IGLL1: variants seen among roughly 807,000 people sequenced by gnomAD.
IGLL1 encodes immunoglobulin lambda-like polypeptide 1.
Under a neutral mutation model 10.5 loss-of-function variants are expected in IGLL1, and 10 were observed. That is an observed-to-expected ratio of 0.95 (90% CI 0.59 to 1.62). The LOEUF is 1.62. Among genes scored for constraint, IGLL1 ranks in the 40% most tolerant of loss-of-function variants. IGLL1 has a pLI of 0.00. For synonymous variants in IGLL1, 141 were observed against 122.7 expected (o/e 1.15, Z -0.99); for missense variants, 284 against 278.7 (o/e 1.02, Z -0.14).
chr22:23,579,938 C>T (rs892982112), intron 1 of IGLL1, 47 bp downstream of exon 1: 11 of 1,504,190 alleles, frequency 7.3e-6, no homozygotes, highest in Non-Finnish European at 9.8e-6. Context: ...CCTTTCCCGC[C>T]TCTGCCACCC....
chr22:23,573,401 GCT>G lies in IGLL1; in HGVS notation c.505_506del (p.Ser169GlnfsTer81), dbSNP rs1924883035. ...AGCTGCTGGCCGCGTACTTGTTGTT[GCT>G]CTGTTTGGAGGGCGTGGTCATCTCC... is the stretch of plus-strand genomic sequence containing the variant. ...GVEMTTPSKQSNNKYAASSYL... is the reference protein window; with the variant it reads ...GVEMTTPSKQXNNKYAASSYL... On this transcript the variant is annotated frameshift_variant, in exon 3 of 3. Transcript: ENST00000330377. LOFTEE classifies it low-confidence loss of function (END_TRUNC). 6 of 1,613,936 alleles carry G rather than the reference GCT, an allele frequency of 3.7e-6. No individual in the cohort carries two copies. The highest frequency in any genetic ancestry group is 5.1e-6 in the Non-Finnish European group (6 of 1,179,982).
rs367727575 is a variant in IGLL1, at chr22:23,575,819, C to T, written c.207-737G>A. ...GTCCTTCTGCTGTACCTGGTGTCTC[C>T]GCTGGATGCGACACAGGGCTGGCCC... On this transcript the variant is annotated intron_variant, in intron 1 of 2. Transcript: ENST00000330377. Among the ~76,000 whole-genome samples, 258 of 152,288 alleles carry T rather than the reference C, an allele frequency of 1.7e-3. 7 individuals carry two copies. In the South Asian group the frequency reaches 0.038, roughly 23 times the overall value.
chr22:23,573,157 G>T lies in IGLL1; in HGVS notation c.*109C>A. ...TTGACAAAGAGGGTATTTATTTAGG[G>T]TTTACTGGGTACAGGGAGAAGGGCT... On this transcript the variant is annotated 3_prime_UTR_variant, in exon 3 of 3. Coordinates refer to ENST00000330377, the MANE Select transcript of IGLL1 (RefSeq NM_020070.4). 3.0e-6 allele frequency: 3 copies of T among 985,890 alleles called. No homozygotes were observed. The highest frequency in any genetic ancestry group is 2.4e-5 in the East Asian group (1 of 41,956). 61.1% of individuals were successfully genotyped at this position (985,890 alleles called of 1,614,324 possible).
At chr22:23,575,568 ATCCATCTG>A (rs1483158833) in intron 1 of IGLL1, among the ~76,000 whole-genome samples, 6 of 152,182 alleles carry the variant, frequency 3.9e-5, no homozygotes, top group East Asian at 1.9e-4. Flanking sequence ...CCGTCCGTCC[ATCCATCTG>A]TCCATCTGTC....
rs140859964 is a variant in IGLL1 at position 23,578,464 on chromosome 22, C to G, written c.206+1521G>C. 5.3e-5 allele frequency among the ~76,000 whole-genome samples: 8 copies of G among 152,290 alleles called. No individual in the cohort carries two copies. The East Asian group carries it at 1.4e-3, about 26-fold the overall frequency. On this transcript the variant is annotated intron_variant, in intron 1 of 2. Transcript: ENST00000330377. The stretch of plus-strand genomic sequence containing the variant: ...ACAGAGCCTGACCCTGATGGGGACT[C>G]CTTGCTCAGAAGTCCGTGCAGGACA...
At chr22:23,576,327 G>C (rs1377910811) in intron 1 of IGLL1, among the ~76,000 whole-genome samples, 3 of 134,888 alleles carry the variant, frequency 2.2e-5, no homozygotes, top group African/African-American at 8.5e-5. Flanking sequence ...TGCCCAGGCT[G>C]GAGTGCAGCC....
intron 1 of IGLL1, among the ~76,000 whole-genome samples, chr22:23,575,522 T>C (rs1925014664): frequency 6.6e-6 from 1 of 152,208 alleles, no homozygotes; most frequent in Non-Finnish European, 1.5e-5. Context: ...TCAGTCTCAC[T>C]TTGTTCATGA....
chr22:23,573,458 C>T lies in IGLL1; in HGVS notation c.450G>A (p.Lys150=). 1 of 1,613,974 alleles carries T rather than the reference C, an allele frequency of 6.2e-7. No individual in the cohort carries two copies. The highest frequency in any genetic ancestry group is 8.5e-7 in the Non-Finnish European group (1 of 1,179,890). The part of the protein sequence containing the change: ...FYPGILTVTW[K]ADGTPITQGV... ...CCTGGGTGATGGGGGTACCATCTGCCTTCCAGGTCACCGTCAAGATTCCCG... is the reference window on the plus strand; with the variant it reads ...CCTGGGTGATGGGGGTACCATCTGCTTTCCAGGTCACCGTCAAGATTCCCG... Residue 150 remains lysine (K), a synonymous_variant, in exon 3 of 3, where the codon AAG becomes AAA. Coordinates refer to ENST00000330377, the MANE Select transcript of IGLL1 (RefSeq NM_020070.4).
In IGLL1 at chr22:23,573,566, G is replaced by C. The variant is rs146831457; in HGVS notation, c.342C>G (p.Pro114=). The change falls in exon 3 of 3, where the codon CCC becomes CCG. Residue 114 remains proline (P), a synonymous_variant. Coordinates refer to ENST00000330377, the MANE Select transcript of IGLL1 (RefSeq NM_020070.4). Reference sequence around the variant, plus strand: ...AGGACGGCGGGAACAGAGTGACCGAGGGGGTGGCCTTGGGCTGACCTGTGT... The same window carrying C: ...AGGACGGCGGGAACAGAGTGACCGACGGGGTGGCCTTGGGCTGACCTGTGT... The part of the protein sequence containing the change: ...LTVLSQPKAT[P]SVTLFPPSSE... 1.2e-3 allele frequency: 1,926 copies of C among 1,613,564 alleles called. 1 individual carries two copies. Among genetic ancestry groups the C allele is most frequent in the Non-Finnish European group, 1.4e-3 (1,671 of 1,179,576 alleles).
At chr22:23,577,800 T>C (rs1925135363) in intron 1 of IGLL1, among the ~76,000 whole-genome samples, 1 of 152,062 alleles carries the variant, frequency 6.6e-6, no homozygotes, top group South Asian at 2.1e-4. Context: ...CCCAAAGTTG[T>C]GGGATTACAG....
chr22:23,576,381 A>G (rs1200436418), intron 1 of IGLL1, among the ~76,000 whole-genome samples: 1 of 142,698 alleles, frequency 7.0e-6, no homozygotes, highest in Non-Finnish European at 1.5e-5. Context: ...AAAAAAAAAA[A>G]GAAGTGTCAT....
chr22:23,573,787 C>T (rs1483888289), intron 2 of IGLL1, among the ~76,000 whole-genome samples: 2 of 152,092 alleles, frequency 1.3e-5, no homozygotes, highest in African/African-American at 4.8e-5. Flanking sequence ...GGAGCCCTTC[C>T]CAAGTCACCT....
rs1455999188 is a variant in IGLL1, at chr22:23,579,585, GA to G, written c.206+399del. Among the ~76,000 whole-genome samples the G allele has an allele frequency of 7.8e-3, 1,162 of 148,148 alleles. 16 individuals are homozygous for G. The highest frequency in any genetic ancestry group is 0.013 in the South Asian group (62 of 4,712). On this transcript the variant is annotated intron_variant, in intron 1 of 2. Transcript: ENST00000330377. The stretch of plus-strand genomic sequence containing the variant: ...CAGGTGACATAGGCCAAGGGGAAAA[GA>G]GGAGGGGGGGGAGGAGGAGTGGGAG...
intron 2 of IGLL1, 71 bp from the exon 3 acceptor site, chr22:23,573,656 C>A: frequency 8.1e-7 from 1 of 1,231,188 alleles, no homozygotes; most frequent in Non-Finnish European, 1.2e-6. Flanking sequence ...CTCTCTCTGT[C>A]TAAAGTCTCT....
intron 2 of IGLL1, 88 bp from the exon 3 acceptor site, chr22:23,573,673 G>A (rs1924909642): frequency 9.4e-7 from 1 of 1,063,026 alleles, no homozygotes; most frequent in African/African-American, 1.6e-5. Context: ...CTCTGGGAGG[G>A]TTCATGGTGT....
Position 23,573,603 on chromosome 22 carries a change from G to C in IGLL1, c.323-18C>G, listed in dbSNP as rs748268331. ...GGGCTGACCTGTGTGGACAGAGGAG[G>C]GGGTGAGAGATGGCAGAGGGAGTGT... On this transcript the variant is annotated intron_variant, in intron 2 of 2. Transcript: ENST00000330377. 2.5e-6 allele frequency: 4 copies of C among 1,592,272 alleles called. No homozygotes were observed. In the African/African-American group the frequency reaches 5.4e-5, roughly 21 times the overall value.
At chr22:23,579,393 T>G (rs1925222455) in intron 1 of IGLL1, among the ~76,000 whole-genome samples, 1 of 152,070 alleles carries the variant, frequency 6.6e-6, no homozygotes, top group South Asian at 2.1e-4. Context: ...CTCCTGGGCT[T>G]CTTCTTTGGA....
At chr22:23,578,919 C>T (rs1925192658) in intron 1 of IGLL1, among the ~76,000 whole-genome samples, 1 of 152,014 alleles carries the variant, frequency 6.6e-6, no homozygotes, top group Non-Finnish European at 1.5e-5. Context: ...AAGATCTCGC[C>T]ATTGCACTCC....
At chr22:23,577,802 G>C (rs1343666349) in intron 1 of IGLL1, among the ~76,000 whole-genome samples, 1 of 151,748 alleles carries the variant, frequency 6.6e-6, no homozygotes, top group African/African-American at 2.4e-5. Context: ...CAAAGTTGTG[G>C]GATTACAGGC....
Sources: gnomAD v4.1 joint callset for allele counts (sites outside exome capture counted in the v4.1 genomes callset) on GRCh38, gnomAD v4.1.1 for gene constraint, MANE v1.5 for transcripts, NCBI Gene and HGNC (gene_info 2026-07-23, HGNC 2026-07-21) for gene names.